LDLRAD3: variants seen among roughly 807,000 people sequenced by gnomAD.
LDLRAD3 encodes low density lipoprotein receptor class A domain containing 3.
In LDLRAD3, 20 loss-of-function variants were observed where a neutral mutation model predicts 29.4. That is an observed-to-expected ratio of 0.68 (90% CI 0.48 to 0.99). The LOEUF (loss-of-function observed/expected upper bound fraction) is 0.99, where lower values mean the gene tolerates loss of function less well. Ranked by LOEUF, LDLRAD3 falls within the 50% of genes least tolerant of loss-of-function variation. LDLRAD3 has a pLI of 0.00. For synonymous variants in LDLRAD3, 157 were observed against 192.7 expected, an observed-to-expected ratio of 0.81 and a Z score of 1.53; for missense variants, 420 against 454.3, an observed-to-expected ratio of 0.92 and a Z score of 0.69.
chr11:36,082,682 T>G (rs1472930540), intron 3 of LDLRAD3, among the ~76,000 whole-genome samples: 1 of 152,200 alleles, frequency 6.6e-6, no homozygotes, highest in Non-Finnish European at 1.5e-5. Context: ...CACATACTCA[T>G]GTTCACTCCC....
chr11:36,008,805 A>T (rs1240068986), intron 1 of LDLRAD3, among the ~76,000 whole-genome samples: 1 of 152,238 alleles, frequency 6.6e-6, no homozygotes, highest in Non-Finnish European at 1.5e-5. Flanking sequence ...TTCAGGGAAG[A>T]AGTACTGCCT....
At chr11:36,173,991 G>C (rs1854635701) in intron 4 of LDLRAD3, among the ~76,000 whole-genome samples, 1 of 152,182 alleles carries the variant, frequency 6.6e-6, no homozygotes, top group Admixed American at 6.5e-5. Context: ...AACCAAAACA[G>C]CATGATACTG....
chr11:36,208,746 G>A (rs1283072745), intron 4 of LDLRAD3, among the ~76,000 whole-genome samples: 1 of 141,676 alleles, frequency 7.1e-6, no homozygotes, highest in African/African-American at 2.7e-5. Context: ...TTATTGAAAT[G>A]TAGAAGGAAT....
chr11:35,946,802 C>G (rs966371891), intron 1 of LDLRAD3, among the ~76,000 whole-genome samples: 2 of 152,038 alleles, frequency 1.3e-5, no homozygotes, highest in Non-Finnish European at 2.9e-5. Context: ...ATCTGCTTAA[C>G]GGTGTGAGGG....
At chr11:36,212,523 G>A (rs1855296401) in intron 4 of LDLRAD3, among the ~76,000 whole-genome samples, 1 of 150,706 alleles carries the variant, frequency 6.6e-6, no homozygotes, top group African/African-American at 2.5e-5. Context: ...TTGCACTCTA[G>A]CCTGGGCAAC....
chr11:36,155,494 C>G (rs889231723), intron 4 of LDLRAD3, among the ~76,000 whole-genome samples: 4 of 152,168 alleles, frequency 2.6e-5, no homozygotes, highest in African/African-American at 9.7e-5. Flanking sequence ...TGTTTTCTCC[C>G]CACGCTGGCC....
chr11:36,002,300 T>C (rs1458467062), intron 1 of LDLRAD3, among the ~76,000 whole-genome samples: 3 of 152,232 alleles, frequency 2.0e-5, no homozygotes, highest in Admixed American at 2.0e-4. Flanking sequence ...ATCCCTTTGT[T>C]CCTCCAGAGT....
chr11:35,958,917 G>T (rs1851240959), intron 1 of LDLRAD3, among the ~76,000 whole-genome samples: 1 of 152,082 alleles, frequency 6.6e-6, no homozygotes, highest in Non-Finnish European at 1.5e-5. Flanking sequence ...CTAGATTGCA[G>T]ACCCTCCTGG....
chr11:36,043,390 C>T (rs1450763057), intron 2 of LDLRAD3, among the ~76,000 whole-genome samples: 2 of 152,310 alleles, frequency 1.3e-5, no homozygotes, highest in East Asian at 1.9e-4. Flanking sequence ...TGCAGACATC[C>T]TGCTTTCATT....
At chr11:36,106,074 C>G (rs1415098284) in intron 4 of LDLRAD3, among the ~76,000 whole-genome samples, 1 of 152,154 alleles carries the variant, frequency 6.6e-6, no homozygotes, top group Non-Finnish European at 1.5e-5. Context: ...ATCCCCTTGG[C>G]AGGGAGAGCT....
intron 2 of LDLRAD3, among the ~76,000 whole-genome samples, chr11:36,074,339 T>G (rs1033566894): frequency 6.6e-6 from 1 of 152,140 alleles, no homozygotes; most frequent in Non-Finnish European, 1.5e-5. Context: ...TTAGAGCGAC[T>G]AAGGGTGGGA....
At chr11:36,135,596 C>A (rs1393368010) in intron 4 of LDLRAD3, among the ~76,000 whole-genome samples, 1 of 152,220 alleles carries the variant, frequency 6.6e-6, no homozygotes, top group Non-Finnish European at 1.5e-5. Context: ...GGAACTACTA[C>A]AAGTCTTGGA....
chr11:35,956,530 C>A (rs896754505), intron 1 of LDLRAD3, among the ~76,000 whole-genome samples: 1 of 152,122 alleles, frequency 6.6e-6, no homozygotes, highest in South Asian at 2.1e-4. Context: ...GTTTGAGAGG[C>A]ATTGATGTGG....
chr11:36,192,573 T>A (rs899453268), intron 4 of LDLRAD3, among the ~76,000 whole-genome samples: 2 of 152,222 alleles, frequency 1.3e-5, no homozygotes, highest in African/African-American at 4.8e-5. Flanking sequence ...TAAGTTATAA[T>A]GCTGCCCTGC....
chr11:36,216,382 G>A (rs538561567), intron 4 of LDLRAD3, among the ~76,000 whole-genome samples: 2 of 152,360 alleles, frequency 1.3e-5, no homozygotes, highest in African/African-American at 4.8e-5. Context: ...TTCATGAAGA[G>A]TCACAGTGGA....
intron 4 of LDLRAD3, among the ~76,000 whole-genome samples, chr11:36,154,306 GGGTGA>G (rs1175657339): frequency 6.6e-6 from 1 of 152,132 alleles, no homozygotes; most frequent in Non-Finnish European, 1.5e-5. Flanking sequence ...CCCAGCCTGC[GGGTGA>G]GCCAGGACAG....
chr11:36,003,714 C>T (rs1383432389), intron 1 of LDLRAD3, among the ~76,000 whole-genome samples: 4 of 152,140 alleles, frequency 2.6e-5, no homozygotes, highest in South Asian at 2.1e-4. Context: ...TGTATTAGTC[C>T]GTTTTCACAT....
intron 4 of LDLRAD3, among the ~76,000 whole-genome samples, chr11:36,130,662 G>C (rs536077488): frequency 6.6e-6 from 1 of 152,274 alleles, no homozygotes; most frequent in African/African-American, 2.4e-5. Flanking sequence ...TGCTTTGTGC[G>C]AGTCATTCAG....
rs183816333 is a variant in LDLRAD3 at position 36,005,806 on chromosome 11, A to C, written c.47-30297A>C. ...TGACTAGGAGGCCTCAGGCAACTTA[A>C]AATCATGGCAGAAGGTGAAGGGAAA... is the stretch of plus-strand genomic sequence containing the variant. On this transcript the variant is annotated intron_variant, in intron 1 of 5. Transcript: ENST00000315571. Among the ~76,000 whole-genome samples the C allele has an allele frequency of 1.9e-3, 286 of 152,332 alleles. 1 individual carries two copies. Among genetic ancestry groups the C allele is most frequent in the African/African-American group, 6.6e-3 (276 of 41,588 alleles).
Sources: allele counts gnomAD v4.1 joint callset (sites outside exome capture counted in the v4.1 genomes callset), GRCh38; gene constraint gnomAD v4.1.1; transcripts MANE v1.5; gene names NCBI Gene and HGNC (gene_info 2026-07-23, HGNC 2026-07-21).